COL19A1: variants seen among roughly 807,000 people sequenced by gnomAD.
COL19A1 encodes collagen alpha-1(XIX) chain.
COL19A1 carries 159 observed loss-of-function variants against 190.2 expected under a neutral mutation model. The observed-to-expected ratio is 0.84, with a 90% CI of 0.73 to 0.95. The LOEUF (loss-of-function observed/expected upper bound fraction) is 0.95, where lower values mean the gene tolerates loss of function less well. COL19A1 is among the 40% of genes least tolerant of loss of function. The pLI is 0.00. For missense variants in COL19A1, 1,418 were observed against 1,431.9 expected (o/e 0.99, Z 0.16); for synonymous variants, 509 against 458.9 (o/e 1.11, Z -1.39).
chr6:70,042,986 A>G (rs1012718051), intron 14 of COL19A1, among the ~76,000 whole-genome samples: 3 of 151,940 alleles, frequency 2.0e-5, no homozygotes, highest in Non-Finnish European at 2.9e-5. Flanking sequence ...ACTTCCTCCA[A>G]TTACATCTTA....
intron 14 of COL19A1, among the ~76,000 whole-genome samples, chr6:70,068,083 G>C (rs921275632): frequency 6.6e-6 from 1 of 151,944 alleles, no homozygotes; most frequent in Non-Finnish European, 1.5e-5. Flanking sequence ...AATGTATAAA[G>C]AGGTATCTTT....
rs1768066451 is a variant in COL19A1, at chr6:70,209,438, T to C, written c.*2164T>C. On this transcript the variant is annotated 3_prime_UTR_variant, in exon 51 of 51. Coordinates refer to ENST00000620364, the MANE Select transcript of COL19A1 (RefSeq NM_001858.6). The stretch of plus-strand genomic sequence containing the variant: ...TTTTGTTTTTTGGTTTTTGAGTTGT[T>C]CTTGTCATAGACATAAAAAGACAAT... 3 of 152,182 alleles carry C rather than the reference T, an allele frequency of 2.0e-5. No homozygotes were observed. The highest frequency in any genetic ancestry group is 4.4e-5 in the Non-Finnish European group (3 of 68,024). The allele number at this position is 152,182 out of a possible 1,614,324, so 9.4% of individuals were successfully genotyped here. A position where few individuals can be genotyped will look rare whatever the true frequency, so the allele number is the denominator to read the frequency against.
At position 70,207,353 on chromosome 6, in the gene COL19A1, T is replaced by G; in HGVS notation, c.*79T>G. 1 of 900,042 alleles carries G rather than the reference T, an allele frequency of 1.1e-6. No individual in the cohort carries two copies. Among genetic ancestry groups the G allele is most frequent in the Non-Finnish European group, 1.5e-6 (1 of 669,552 alleles). 55.8% of individuals were successfully genotyped at this position (900,042 alleles called of 1,614,324 possible). ...TCTTAATACCGTCAAACCCTCATCA[T>G]CTGTGGGTTGCTTTTTTTTTTTTTT... On this transcript the variant is annotated 3_prime_UTR_variant, in exon 51 of 51. Coordinates refer to ENST00000620364, the MANE Select transcript of COL19A1 (RefSeq NM_001858.6).
At chr6:70,133,348 C>T (rs138165460) in intron 18 of COL19A1, among the ~76,000 whole-genome samples, 88 of 152,324 alleles carry the variant, frequency 5.8e-4, no homozygotes, top group African/African-American at 2.1e-3. Flanking sequence ...ACACACCAGT[C>T]ACCCCTGGTT....
At chr6:69,871,978 G>A (rs763984766) in intron 1 of COL19A1, among the ~76,000 whole-genome samples, 1 of 151,886 alleles carries the variant, frequency 6.6e-6, no homozygotes, top group Non-Finnish European at 1.5e-5. Flanking sequence ...CACCACACCT[G>A]GCTAATTTTT....
chr6:70,121,584 T>C (rs1158853993), intron 16 of COL19A1, among the ~76,000 whole-genome samples: 7 of 152,194 alleles, frequency 4.6e-5, no homozygotes, highest in Non-Finnish European at 1.0e-4. Flanking sequence ...GGGAGGGTCT[T>C]ATGGGTATAA....
At chr6:70,088,427 CAAT>C (rs1221400179) in intron 15 of COL19A1, among the ~76,000 whole-genome samples, 2 of 151,960 alleles carry the variant, frequency 1.3e-5, no homozygotes, top group Non-Finnish European at 2.9e-5. Flanking sequence ...TTTTTTAAGT[CAAT>C]GATCAATTTG....
intron 48 of COL19A1, among the ~76,000 whole-genome samples, chr6:70,192,129 C>T (rs1467964899): frequency 1.3e-5 from 2 of 152,054 alleles, no homozygotes; most frequent in Non-Finnish European, 2.9e-5. Context: ...GACGCGATCT[C>T]AGCCCACAGC....
chr6:70,162,049 C>T (rs1016463247), intron 35 of COL19A1, 96 bp downstream of exon 35: 3 of 1,135,098 alleles, frequency 2.6e-6, no homozygotes, highest in Non-Finnish European at 3.7e-6. Context: ...TTCTCTGTGC[C>T]TCTATGTAGA....
chr6:70,044,433 G>A (rs1446660891), intron 14 of COL19A1, among the ~76,000 whole-genome samples: 1 of 152,154 alleles, frequency 6.6e-6, no homozygotes, highest in African/African-American at 2.4e-5. Context: ...CTGTTTGGCT[G>A]GAGGGACCTA....
chr6:70,199,906 T>A, intron 49 of COL19A1, 170 bp downstream of exon 49: 2 of 641,924 alleles, frequency 3.1e-6, no homozygotes, highest in Non-Finnish European at 5.2e-6. Context: ...TTTATAATAT[T>A]TGACATTCTA....
At chr6:69,958,783 C>T (rs1774589471) in intron 9 of COL19A1, among the ~76,000 whole-genome samples, 1 of 152,010 alleles carries the variant, frequency 6.6e-6, no homozygotes, top group Non-Finnish European at 1.5e-5. Context: ...TAAAACTGTC[C>T]TTAAAATGTT....
chr6:70,067,278 A>T (rs1317677463), intron 14 of COL19A1, among the ~76,000 whole-genome samples: 1 of 152,168 alleles, frequency 6.6e-6, no homozygotes, highest in Non-Finnish European at 1.5e-5. Context: ...ATATGGGAGC[A>T]GCAGGAGTGG....
At chr6:70,155,692 A>G (rs989076840) in intron 31 of COL19A1, among the ~76,000 whole-genome samples, 1 of 152,000 alleles carries the variant, frequency 6.6e-6, no homozygotes, top group Admixed American at 6.6e-5. Flanking sequence ...TTTCTTCACA[A>G]TTTTTTCTGT....
At chr6:69,956,278 C>T (rs187045864) in intron 9 of COL19A1, among the ~76,000 whole-genome samples, 6 of 151,928 alleles carry the variant, frequency 3.9e-5, no homozygotes, top group Non-Finnish European at 8.8e-5. Context: ...TTCAAATTGG[C>T]CTTATCCTGA....
At chr6:69,984,612 T>C (rs1443807879) in intron 11 of COL19A1, among the ~76,000 whole-genome samples, 1 of 152,168 alleles carries the variant, frequency 6.6e-6, no homozygotes, top group African/African-American at 2.4e-5. Flanking sequence ...CCTATGTTCA[T>C]TGTCAATCTT....
At chr6:69,981,574 G>A (rs1432844911) in intron 11 of COL19A1, among the ~76,000 whole-genome samples, 1 of 151,640 alleles carries the variant, frequency 6.6e-6, no homozygotes, top group Non-Finnish European at 1.5e-5. Flanking sequence ...ATCCAGAAAA[G>A]GAGTAAAAGA....
At chr6:70,105,720 A>C (rs1783911691) in intron 16 of COL19A1, among the ~76,000 whole-genome samples, 1 of 152,192 alleles carries the variant, frequency 6.6e-6, no homozygotes, top group South Asian at 2.1e-4. Context: ...CAGTTTTTCT[A>C]ATTGTTACTG....
intron 14 of COL19A1, among the ~76,000 whole-genome samples, chr6:70,064,065 C>G (rs1010167219): frequency 6.6e-6 from 1 of 152,124 alleles, no homozygotes; most frequent in Non-Finnish European, 1.5e-5. Flanking sequence ...GGAGCTGGTA[C>G]CATTCCTTCT....
Sources: gnomAD v4.1 joint callset for allele counts (sites outside exome capture counted in the v4.1 genomes callset) on GRCh38, gnomAD v4.1.1 for gene constraint, MANE v1.5 for transcripts, NCBI Gene and HGNC (gene_info 2026-07-23, HGNC 2026-07-21) for gene names.